Variants in ATF7IP observed in about 807,000 individuals in gnomAD.
The protein encoded by ATF7IP is activating transcription factor 7 interacting protein.
Under a neutral mutation model 106.4 loss-of-function variants are expected in ATF7IP, and 23 were observed. The ratio of observed to expected loss-of-function variants is 0.22; its 90% CI spans 0.16 to 0.31. The LOEUF (loss-of-function observed/expected upper bound fraction) is 0.31, where lower values mean the gene tolerates loss of function less well. ATF7IP is among the 10% of genes least tolerant of loss of function. The probability of loss-of-function intolerance (pLI) is 1.00; values close to 1 mark genes in which losing one functional copy is unlikely to be tolerated. For missense variants in ATF7IP, 1,334 were observed against 1,524.3 expected (o/e 0.88, Z 2.08); for synonymous variants, 542 against 539.0 (o/e 1.01, Z -0.08).
chr12:14,461,982 C>T (rs79427726), intron 9 of ATF7IP, among the ~76,000 whole-genome samples: 7,484 of 152,026 alleles, frequency 0.049, 627 homozygotes, highest in African/African-American at 0.17. Flanking sequence ...ATGTACAAGC[C>T]TTAGTTTTTA....
At chr12:14,393,869 A>G (rs1305179062) in intron 1 of ATF7IP, among the ~76,000 whole-genome samples, 1 of 152,198 alleles carries the variant, frequency 6.6e-6, no homozygotes, top group Non-Finnish European at 1.5e-5. Context: ...GTAAAAATAA[A>G]GAAAAGGGCC....
intron 1 of ATF7IP, among the ~76,000 whole-genome samples, chr12:14,391,494 TTAAG>T (rs1435767445): frequency 1.3e-5 from 2 of 152,188 alleles, no homozygotes; most frequent in Non-Finnish European, 2.9e-5. Context: ...CGTACTGTTA[TTAAG>T]TAATTGTGTA....
At chr12:14,444,022 A>G (rs117960398) in intron 5 of ATF7IP, among the ~76,000 whole-genome samples, 1,678 of 152,306 alleles carry the variant, frequency 0.011, 9 homozygotes, top group Middle Eastern at 0.024. Flanking sequence ...AACAGTGATT[A>G]GTACTATGCT....
At chr12:14,422,768 G>T (rs1941603550) in intron 1 of ATF7IP, among the ~76,000 whole-genome samples, 1 of 152,126 alleles carries the variant, frequency 6.6e-6, no homozygotes, top group Admixed American at 6.5e-5. Context: ...TGTTGTAGGG[G>T]TATGGCACAT....
At chr12:14,470,498 T>C (rs1400195334) in intron 10 of ATF7IP, among the ~76,000 whole-genome samples, 3 of 152,184 alleles carry the variant, frequency 2.0e-5, no homozygotes, top group Non-Finnish European at 4.4e-5. Flanking sequence ...TACATGTATA[T>C]GTATACATGT....
intron 5 of ATF7IP, among the ~76,000 whole-genome samples, chr12:14,443,155 A>T (rs992632590): frequency 2.1e-4 from 32 of 152,282 alleles, no homozygotes; most frequent in South Asian, 6.2e-4. Context: ...ACTCTGTCTC[A>T]AAAAAGGAAG....
At chr12:14,466,138 C>CT (rs1565536811) in intron 9 of ATF7IP, 1 of 159,794 alleles carries the variant, frequency 6.3e-6, no homozygotes, top group South Asian at 1.9e-4. Flanking sequence ...ACTGTTTCTA[C>CT]TGAATTTATT....
rs114581667 is a variant in ATF7IP at position 14,401,193 on chromosome 12, G to A, written c.-7-22716G>A. ...AATCCATTTCTTCCTTATTTGTTAC[G>A]TTTTGTTTTGTTTTTGTTTGAGACA... On this transcript the variant is annotated intron_variant, in intron 1 of 14. Coordinates refer to ENST00000261168, the MANE Select transcript of ATF7IP (RefSeq NM_018179.5). Among the ~76,000 whole-genome samples the A allele has an allele frequency of 6.1e-3, 923 of 151,838 alleles. 9 individuals are homozygous for A. Among genetic ancestry groups the A allele is most frequent in the African/African-American group, 0.02 (835 of 41,406 alleles).
intron 14 of ATF7IP, among the ~76,000 whole-genome samples, chr12:14,496,610 C>A (rs897310959): frequency 6.6e-6 from 1 of 152,094 alleles, no homozygotes; most frequent in African/African-American, 2.4e-5. Context: ...GAAATATAGA[C>A]CATTTCTAAT....
chr12:14,425,033 A>G lies in ATF7IP; in HGVS notation c.1118A>G (p.Glu373Gly). ...RPPENEKKVE[E>G]DIITELALGE... ...CCTGAAAATGAAAAGAAGGTAGAGG[A>G]AGATATTATCACAGAGCTTGCTCTT... The change falls in exon 2 of 15, where the codon GAA becomes GGA. Residue 373 changes from glutamate (E) to glycine (G), a missense_variant. Physicochemically the swap from Glu to Gly is moderately conservative, Grantham distance 98. Transcript: ENST00000261168. The G allele has an allele frequency of 6.2e-7, 1 of 1,610,754 alleles. No homozygotes were observed. Among genetic ancestry groups the G allele is most frequent in the South Asian group, 1.1e-5 (1 of 89,984 alleles).
intron 6 of ATF7IP, among the ~76,000 whole-genome samples, chr12:14,452,062 T>C (rs1228717082): frequency 6.6e-6 from 1 of 152,024 alleles, no homozygotes; most frequent in Non-Finnish European, 1.5e-5. Flanking sequence ...GTGTGTGTGT[T>C]ACAGCTGGTG....
At chr12:14,469,367 A>C (rs969394061) in intron 10 of ATF7IP, among the ~76,000 whole-genome samples, 2 of 149,508 alleles carry the variant, frequency 1.3e-5, no homozygotes, top group African/African-American at 5.0e-5. Flanking sequence ...TGTCTCAAAA[A>C]AAAAAAAAAA....
At position 14,373,585 on chromosome 12, in the gene ATF7IP, A is replaced by T. The variant is rs938404485; in HGVS notation, c.-8+7758A>T. Among the ~76,000 whole-genome samples the T allele has an allele frequency of 2.0e-5, 3 of 152,224 alleles. No homozygotes were observed. The South Asian group carries it at 6.2e-4, about 32-fold the overall frequency. On this transcript the variant is annotated intron_variant, in intron 1 of 14. Transcript: ENST00000261168. ...AAGTCTGGGAAATATATCTAGCTGG[A>T]TAATCATATGCTTAGCTAAAACTAG...
At chr12:14,455,832 G>A (rs1943404056) in intron 6 of ATF7IP, among the ~76,000 whole-genome samples, 1 of 151,906 alleles carries the variant, frequency 6.6e-6, no homozygotes, top group South Asian at 2.1e-4. Flanking sequence ...AGCAATCCTT[G>A]CCTGTCTCAG....
chr12:14,483,203 A>G (rs933483717), intron 13 of ATF7IP, among the ~76,000 whole-genome samples: 4 of 152,170 alleles, frequency 2.6e-5, no homozygotes, highest in African/African-American at 9.7e-5. Context: ...TGGTGGAATG[A>G]CCCAAACCTT....
At chr12:14,409,202 A>G (rs1940776885) in intron 1 of ATF7IP, among the ~76,000 whole-genome samples, 1 of 152,120 alleles carries the variant, frequency 6.6e-6, no homozygotes, top group Non-Finnish European at 1.5e-5. Flanking sequence ...GAGTCCATTT[A>G]TAATAAAAAT....
chr12:14,440,220 A>G (rs1942630266), intron 5 of ATF7IP, among the ~76,000 whole-genome samples: 1 of 152,096 alleles, frequency 6.6e-6, no homozygotes, highest in Admixed American at 6.5e-5. Context: ...TTCACTTTTC[A>G]TTAGGCCATC....
intron 1 of ATF7IP, chr12:14,419,353 A>C (rs1206639788): frequency 2.0e-5 from 3 of 152,140 alleles, no homozygotes; most frequent in Non-Finnish European, 4.4e-5. Context: ...AGGAATGCTT[A>C]CTTTTAATGT....
chr12:14,467,763 C>T (rs2136754236), intron 10 of ATF7IP, among the ~76,000 whole-genome samples: 1 of 151,054 alleles, frequency 6.6e-6, no homozygotes. Flanking sequence ...GGTGGTTCTT[C>T]TAGAGCTGTG....
Sources: gnomAD v4.1 joint callset for allele counts (sites outside exome capture counted in the v4.1 genomes callset) on GRCh38, gnomAD v4.1.1 for gene constraint, MANE v1.5 for transcripts, NCBI Gene and HGNC (gene_info 2026-07-23, HGNC 2026-07-21) for gene names.